The following ZNF215 variants were observed in gnomAD, a reference collection of about 807,000 sequenced individuals.
ZNF215 encodes zinc finger protein 215, also known as BWSCR2-associated zinc finger protein 2.
ZNF215 carries 24 observed loss-of-function variants against 27.2 expected under a neutral mutation model. The observed-to-expected ratio is 0.88, with a 90% CI of 0.64 to 1.24. The LOEUF (loss-of-function observed/expected upper bound fraction) is 1.24, where lower values mean the gene tolerates loss of function less well. Ranked by LOEUF, ZNF215 falls within the 50% of genes most tolerant of loss-of-function variation. The probability of loss-of-function intolerance (pLI) is 0.00; values close to 1 mark genes in which losing one functional copy is unlikely to be tolerated. For missense variants in ZNF215, 675 were observed against 605.7 expected (o/e 1.11, Z -1.20); for synonymous variants, 210 against 204.0 (o/e 1.03, Z -0.25).
chr11:6,943,027 T>A, intron 4 of ZNF215, 56 bp from the exon 5 acceptor site: 2 of 1,579,028 alleles, frequency 1.3e-6, no homozygotes, highest in South Asian at 2.4e-5. Context: ...CCATTCCTTC[T>A]CTGGTAGTGT....
intron 3 of ZNF215, among the ~76,000 whole-genome samples, chr11:6,934,128 G>A (rs1485165218): frequency 2.6e-5 from 4 of 152,128 alleles, no homozygotes; most frequent in African/African-American, 9.7e-5. Context: ...TTTTCTTAAT[G>A]AGCAAAAGAA....
chr11:6,948,750 TTTTTA>T (rs1264135755), intron 6 of ZNF215, among the ~76,000 whole-genome samples: 2 of 152,018 alleles, frequency 1.3e-5, no homozygotes, highest in African/African-American at 4.8e-5. Flanking sequence ...AATTTTTTTA[TTTTTA>T]TTTTATTATT....
chr11:6,979,329 GTAA>G (rs199962318), intron 5 of ZNF215, among the ~76,000 whole-genome samples: 8 of 2,512 alleles, frequency 3.2e-3, no homozygotes, highest in Non-Finnish European at 0.018. Flanking sequence ...GAATAACACA[GTAA>G]TAATAATAAT....
chr11:6,970,289 C>A (rs756757321), intron 5 of ZNF215, among the ~76,000 whole-genome samples: 16 of 152,072 alleles, frequency 1.1e-4, no homozygotes, highest in Admixed American at 8.5e-4. Context: ...ATTTCTTTAA[C>A]AAAATGCATG....
chr11:6,992,365 C>T (rs879538306), downstream of ZNF215, among the ~76,000 whole-genome samples: 11 of 152,156 alleles, frequency 7.2e-5, no homozygotes, highest in Non-Finnish European at 7.4e-5. Flanking sequence ...AATATATTGT[C>T]AAAGTTGTAT....
chr11:6,961,840 C>G (rs958595836), downstream of ZNF215, among the ~76,000 whole-genome samples: 3 of 152,026 alleles, frequency 2.0e-5, no homozygotes, highest in Non-Finnish European at 4.4e-5. Context: ...TGTCCTTTAC[C>G]TGCACTTTTA....
At chr11:6,980,045 A>G (rs1191124794) in intron 5 of ZNF215, among the ~76,000 whole-genome samples, 4 of 152,128 alleles carry the variant, frequency 2.6e-5, no homozygotes, top group African/African-American at 9.6e-5. Context: ...TAAACGCTAA[A>G]AATGAGGTTC....
In ZNF215 at chr11:6,956,668, T is replaced by C; in HGVS notation, c.*137T>C. The C allele has an allele frequency of 7.1e-7, 1 of 1,399,394 alleles. No individual in the cohort carries two copies. The highest frequency in any genetic ancestry group is 1.8e-5 in the South Asian group (1 of 57,006). The allele number at this position is 1,399,394 out of a possible 1,614,324, so 86.7% of individuals were successfully genotyped here. ...TTTTTCTTTAAATGATATCACAGAA[T>C]TAATGTTGGATAGAAATATCATTGG... On this transcript the variant is annotated 3_prime_UTR_variant, in exon 7 of 7. Coordinates refer to ENST00000278319, the MANE Select transcript of ZNF215 (RefSeq NM_013250.4).
intron 6 of ZNF215, among the ~76,000 whole-genome samples, chr11:6,953,491 T>C (rs2133281201): frequency 1.3e-5 from 2 of 152,374 alleles, no homozygotes; most frequent in East Asian, 3.8e-4. Context: ...CATTTCATCT[T>C]CCATCACTGA....
Position 6,956,359 on chromosome 11 carries a change from T to G in ZNF215, c.1382T>G (p.Phe461Cys). 6.2e-7 allele frequency: 1 copy of G among 1,614,126 alleles called. No individual in the cohort carries two copies. Among genetic ancestry groups the G allele is most frequent in the South Asian group, 1.1e-5 (1 of 91,074 alleles). Residue 461 changes from phenylalanine to cysteine, a missense_variant, in exon 7 of 7, where the codon TTC becomes TGC. Phe to Cys is a radical substitution (Grantham distance 205). Coordinates refer to ENST00000278319, the MANE Select transcript of ZNF215 (RefSeq NM_013250.4). ...NNPTLHFGNNFYQCVNCGKSF... is the reference protein window; with the variant it reads ...NNPTLHFGNNCYQCVNCGKSF... ...CCAACACTCCATTTTGGAAACAATTTCTATCAATGTGTTAACTGTGGAAAA... is the reference window on the plus strand; with the variant it reads ...CCAACACTCCATTTTGGAAACAATTGCTATCAATGTGTTAACTGTGGAAAA...
chr11:6,950,480 T>C (rs1048763829), intron 6 of ZNF215, among the ~76,000 whole-genome samples: 4 of 152,178 alleles, frequency 2.6e-5, no homozygotes, highest in African/African-American at 9.7e-5. Flanking sequence ...AGGTATTTTA[T>C]TCTCTTTGAA....
Position 6,956,799 on chromosome 11 carries a change from A to T in ZNF215, c.*268A>T. On this transcript the variant is annotated 3_prime_UTR_variant, in exon 7 of 7. Coordinates refer to ENST00000278319, the MANE Select transcript of ZNF215 (RefSeq NM_013250.4). ...CAAGTATTTGTTTATCATTATTTTGATATCCATTACCCTCACCTCTCCCTA... is the reference window on the plus strand; with the variant it reads ...CAAGTATTTGTTTATCATTATTTTGTTATCCATTACCCTCACCTCTCCCTA... 8.3e-7 allele frequency: 1 copy of T among 1,204,166 alleles called. No individual in the cohort carries two copies. Among genetic ancestry groups the T allele is most frequent in the Non-Finnish European group, 1.0e-6 (1 of 969,148 alleles). 74.6% of individuals were successfully genotyped at this position (1,204,166 alleles called of 1,614,324 possible).
chr11:6,943,017 C>G (rs1405251012), intron 4 of ZNF215, 66 bp from the exon 5 acceptor site: 1 of 1,566,696 alleles, frequency 6.4e-7, no homozygotes, highest in Non-Finnish European at 8.6e-7. Flanking sequence ...TCCTTCAAAT[C>G]CATTCCTTCT....
intron 5 of ZNF215, among the ~76,000 whole-genome samples, chr11:6,968,524 C>A (rs1489361544): frequency 7.2e-6 from 1 of 138,274 alleles, no homozygotes; most frequent in East Asian, 2.0e-4. Context: ...ATATATGGAG[C>A]CTTTTTTTTT....
At chr11:6,953,767 G>T (rs759687582) in intron 6 of ZNF215, among the ~76,000 whole-genome samples, 1 of 152,226 alleles carries the variant, frequency 6.6e-6, no homozygotes, top group East Asian at 1.9e-4. Flanking sequence ...GCTTTGTTCC[G>T]TTGCTTGTGA....
chr11:6,929,663 A>C (rs1461616257), intron 2 of ZNF215, among the ~76,000 whole-genome samples: 1 of 152,190 alleles, frequency 6.6e-6, no homozygotes, highest in Non-Finnish European at 1.5e-5. Flanking sequence ...CCATTTTATC[A>C]CATTGTCTCG....
chr11:6,988,168 T>TCATGG, downstream of ZNF215: 1 of 983,866 alleles, frequency 1.0e-6, no homozygotes. Context: ...TCAATTACCT[T>TCATGG]GTAGAGAATT....
Position 6,950,217 on chromosome 11 carries a change from T to G in ZNF215, c.713-5473T>G, listed in dbSNP as rs1849998841. Among the ~76,000 whole-genome samples the G allele has an allele frequency of 1.4e-5, 2 of 140,700 alleles. 1 individual carries two copies. The highest frequency in any genetic ancestry group is 1.4e-4 in the Admixed American group (2 of 14,252). The allele number at this position is 140,700 out of a possible 152,430, so 92.3% of individuals were successfully genotyped here. The stretch of plus-strand genomic sequence containing the variant: ...CTTAGGATTGACTTGGCGATGGGGC[T>G]CTTTTTTGGTTCCATATGAACTTTA... On this transcript the variant is annotated intron_variant, in intron 6 of 6. Coordinates refer to ENST00000278319, the MANE Select transcript of ZNF215 (RefSeq NM_013250.4).
At chr11:6,986,666 CAAA>C (rs1851057700), downstream of ZNF215, among the ~76,000 whole-genome samples, 1 of 151,724 alleles carries the variant, frequency 6.6e-6, no homozygotes, top group Non-Finnish European at 1.5e-5. Flanking sequence ...AATCAACAAA[CAAA>C]AACCCCATTA....
Sources: gnomAD v4.1 joint callset for allele counts (sites outside exome capture counted in the v4.1 genomes callset) on GRCh38, gnomAD v4.1.1 for gene constraint, MANE v1.5 for transcripts, NCBI Gene and HGNC (gene_info 2026-07-23, HGNC 2026-07-21) for gene names.